Variants in TNRC18 observed in about 807,000 individuals in gnomAD.
TNRC18 encodes the protein trinucleotide repeat-containing gene 18 protein.
TNRC18 carries 69 observed loss-of-function variants against 226.7 expected under a neutral mutation model. The ratio of observed to expected loss-of-function variants is 0.30; its 90% confidence interval spans 0.25 to 0.37. The LOEUF is 0.37. Ranked by LOEUF, TNRC18 falls within the 10% of genes least tolerant of loss-of-function variation. The pLI, the probability that TNRC18 is intolerant of heterozygous loss-of-function variation, is 1.00. For missense variants in TNRC18, 4,754 were observed against 4,256.6 expected, an observed-to-expected ratio of 1.12 and a Z score of -3.25; for synonymous variants, 2,449 against 1,927.6, an observed-to-expected ratio of 1.27 and a Z score of -7.09.
In TNRC18 at chr7:5,377,344, G is replaced by A. The variant is rs530398262; in HGVS notation, c.2461+27C>T. ...CCCTCCCACCCCTCCCTCAGAGAAG[G>A]GGAGAGACCCTGTGCCCCACACTCA... On this transcript the variant is annotated intron_variant, in intron 7 of 29. Coordinates refer to ENST00000430969, the MANE Select transcript of TNRC18 (RefSeq NM_001080495.3). This position sits in a 1 kb window ranked among gnomAD's most constrained non-coding sequence, Gnocchi z 5.8. The A allele has an allele frequency of 4.4e-4, 646 of 1,470,388 alleles. 10 individuals are homozygous for A. The South Asian group carries it at 8.0e-3, about 18-fold the overall frequency. 91.1% of individuals were successfully genotyped at this position (1,470,388 alleles called of 1,614,324 possible). A position where few individuals can be genotyped will look rare whatever the true frequency, so the allele number is the denominator to read the frequency against.
chr7:5,371,274 G>C lies in TNRC18; in HGVS notation c.3320C>G (p.Ala1107Gly), dbSNP rs765190370. The change falls in exon 11 of 30, where the codon GCG (alanine) becomes GGG (glycine). Residue 1107 changes from alanine to glycine, a missense_variant. By Grantham distance (60) the Ala-to-Gly change is moderately conservative. Coordinates refer to ENST00000430969, the MANE Select transcript of TNRC18 (RefSeq NM_001080495.3). The stretch of plus-strand genomic sequence containing the variant: ...CGGCACATCAGGGGCCAAGCCGTCC[G>C]CGTCGGCGGCGGCCGTGGGCTGCAG... ...FLLQPTAAAD[A>G]DGLAPDVPLP... 3.0e-5 allele frequency: 47 copies of C among 1,587,204 alleles called. No homozygotes were observed. Among genetic ancestry groups the C allele is most frequent in the Non-Finnish European group, 3.8e-5 (44 of 1,166,766 alleles).
Position 5,332,878 on chromosome 7 carries a change from G to A in TNRC18, c.5891C>T (p.Ala1964Val). ...DPSSPDKAKL[A>V]VEKGRKARKL... is the part of the protein sequence containing the mutation. ...CCGGGCCTTGCGCCCCTTCTCCACC[G>A]CCAGCTTGGCCTTGTCTGGGCTGCT... is the stretch of plus-strand genomic sequence containing the variant. The change falls in exon 19 of 30, where the codon GCG becomes GTG. Residue 1964 changes from alanine to valine, a missense_variant. Physicochemically the swap from Ala to Val is moderately conservative, Grantham distance 64. Transcript: ENST00000430969. The A allele has an allele frequency of 1.1e-5, 16 of 1,516,884 alleles. No individual in the cohort carries two copies. Among genetic ancestry groups the A allele is most frequent in the South Asian group, 2.5e-5 (2 of 81,580 alleles). 94.0% of individuals were successfully genotyped at this position (1,516,884 alleles called of 1,614,324 possible).
chr7:5,381,038 C>T (rs1324691297), intron 5 of TNRC18, among the ~76,000 whole-genome samples: 4 of 152,156 alleles, frequency 2.6e-5, no homozygotes, highest in East Asian at 1.9e-4. Flanking sequence ...CCGACTGTCC[C>T]GGCTGTCACT....
Position 5,332,881 on chromosome 7 carries a change from A to G in TNRC18, c.5888T>C (p.Leu1963Pro), listed in dbSNP as rs761966597. 6 of 1,520,896 alleles carry G rather than the reference A, an allele frequency of 3.9e-6. No homozygotes were observed. The Admixed American group carries it at 1.1e-4, about 27-fold the overall frequency. 94.2% of individuals were successfully genotyped at this position (1,520,896 alleles called of 1,614,324 possible). The part of the protein sequence containing the change: ...PDPSSPDKAK[L>P]AVEKGRKARK... ...GGCCTTGCGCCCCTTCTCCACCGCCAGCTTGGCCTTGTCTGGGCTGCTGGG... is the reference window on the plus strand; with the variant it reads ...GGCCTTGCGCCCCTTCTCCACCGCCGGCTTGGCCTTGTCTGGGCTGCTGGG... The change falls in exon 19 of 30, where the codon CTG (leucine) becomes CCG (proline). Residue 1963 changes from leucine (L) to proline (P), a missense_variant. Physicochemically the swap from Leu to Pro is moderately conservative, Grantham distance 98. Coordinates refer to ENST00000430969, the MANE Select transcript of TNRC18 (RefSeq NM_001080495.3).
At chr7:5,317,272 C>T (rs1249286016) in intron 24 of TNRC18, among the ~76,000 whole-genome samples, 2 of 151,798 alleles carry the variant, frequency 1.3e-5, no homozygotes, top group East Asian at 1.9e-4. Flanking sequence ...GAGGGGGGAC[C>T]GGGAAGAGAG....
intron 2 of TNRC18, among the ~76,000 whole-genome samples, chr7:5,400,509 T>C (rs1177135872): frequency 6.6e-6 from 1 of 150,814 alleles, no homozygotes; most frequent in African/African-American, 2.4e-5. Flanking sequence ...ACTCGGGAGG[T>C]TTTTAGGAAG....
intron 18 of TNRC18, 45 bp downstream of exon 18, chr7:5,345,517 G>GGGGGGGGCGCCCCCCCCCCCC: frequency 2.6e-6 from 1 of 377,744 alleles, no homozygotes; most frequent in Non-Finnish European, 4.8e-6. Flanking sequence ...AATGGCGTCC[G>GGGGGGGGCGCCCCCCCCCCCC]CCCCTCCCAC....
At position 5,341,758 on chromosome 7, in the gene TNRC18, G is replaced by A. The variant is rs907791199; in HGVS notation, c.5719+3804C>T. Among the ~76,000 whole-genome samples the A allele has an allele frequency of 8.4e-4, 59 of 70,302 alleles. No homozygotes were observed. In the East Asian group the frequency reaches 0.015, roughly 18 times the overall value. The allele number at this position is 70,302 out of a possible 152,430, so 46.1% of individuals were successfully genotyped here. ...CAGCCTGGCAAAAGAGCGAGACTCC[G>A]TCTCAAAAAAAAAAAAAAAAAAAAA... On this transcript the variant is annotated intron_variant, in intron 18 of 29. Transcript: ENST00000430969.
intron 14 of TNRC18, among the ~76,000 whole-genome samples, chr7:5,360,292 C>T (rs1029483657): frequency 4.0e-5 from 6 of 151,872 alleles, no homozygotes; most frequent in Non-Finnish European, 5.9e-5. Flanking sequence ...TGCAATGGCT[C>T]GATTTCAGCT....
Position 5,377,911 on chromosome 7 carries a change from G to A in TNRC18, c.2255+11C>T, listed in dbSNP as rs776565677. Reference sequence around the variant, plus strand: ...ACCCCCTAGACCCTCAGGATCCCCCGACACCCTCACCTGAGCAGCTTCTCC... The same window carrying A: ...ACCCCCTAGACCCTCAGGATCCCCCAACACCCTCACCTGAGCAGCTTCTCC... On this transcript the variant is annotated intron_variant, in intron 6 of 29. Coordinates refer to ENST00000430969, the MANE Select transcript of TNRC18 (RefSeq NM_001080495.3). The surrounding 1 kb of genome is among the most constrained non-coding windows in gnomAD (Gnocchi z 5.8). 9.3e-6 allele frequency: 15 copies of A among 1,612,206 alleles called. No homozygotes were observed. The highest frequency in any genetic ancestry group is 1.6e-4 in the Middle Eastern group (1 of 6,080).
intron 2 of TNRC18, among the ~76,000 whole-genome samples, chr7:5,412,342 G>A (rs755369761): frequency 7.2e-5 from 11 of 151,804 alleles, no homozygotes; most frequent in South Asian, 2.1e-4. Flanking sequence ...TTGGGAGGCC[G>A]AGGTGGGTGG....
intron 16 of TNRC18, among the ~76,000 whole-genome samples, chr7:5,355,463 A>T (rs1050234952): frequency 5.3e-5 from 8 of 152,234 alleles, no homozygotes; most frequent in African/African-American, 1.9e-4. Flanking sequence ...CTCAGCCTCT[A>T]TAAAAATAAA....
At chr7:5,369,075 C>T (rs552860603) in intron 11 of TNRC18, among the ~76,000 whole-genome samples, 16 of 152,236 alleles carry the variant, frequency 1.1e-4, no homozygotes, top group Admixed American at 5.2e-4. Context: ...AGGCTGGGAG[C>T]GGTGGCTCAC....
At chr7:5,359,624 T>C (rs1792823119) in intron 14 of TNRC18, 55 bp from the exon 15 acceptor site, 1 of 1,605,966 alleles carries the variant, frequency 6.2e-7, no homozygotes, top group Non-Finnish European at 8.5e-7. Flanking sequence ...GCTCGCAGGC[T>C]GAGGTCCACC....
chr7:5,385,562 T>C (rs367990461), intron 5 of TNRC18, among the ~76,000 whole-genome samples: 2 of 150,972 alleles, frequency 1.3e-5, no homozygotes, highest in African/African-American at 4.9e-5. Context: ...CGGGTGCCTG[T>C]GACCCCAGCT....
chr7:5,396,672 C>G (rs1265281584), intron 2 of TNRC18, among the ~76,000 whole-genome samples: 1 of 152,218 alleles, frequency 6.6e-6, no homozygotes, highest in African/African-American at 2.4e-5. Flanking sequence ...GGTGCTACCA[C>G]TGGCCAGCCC....
At chr7:5,345,475 G>C (rs1791082180) in intron 18 of TNRC18, 87 bp downstream of exon 18, 1 of 1,302,750 alleles carries the variant, frequency 7.7e-7, no homozygotes, top group East Asian at 2.5e-5. Context: ...CTGCATCTCT[G>C]AGCCTCAGTT....
In TNRC18 at chr7:5,389,041, G is replaced by A. The variant is rs766105173; in HGVS notation, c.783C>T (p.Arg261=). Residue 261 remains arginine, a synonymous_variant, in exon 5 of 30, where the codon CGC becomes CGT. Transcript: ENST00000430969. ...TGGACTCAGCCAGGAAGGGCGACAG[G>A]CGCTCAGCCAGGCGCGGGGGCCCCC... ...QDRGPPRLAE[R]LSPFLAESKT... is the part of the protein sequence containing the mutation. The A allele has an allele frequency of 1.8e-5, 23 of 1,300,518 alleles. No individual in the cohort carries two copies. The South Asian group carries it at 3.8e-4, about 22-fold the overall frequency. 80.6% of individuals were successfully genotyped at this position (1,300,518 alleles called of 1,614,324 possible).
intron 2 of TNRC18, among the ~76,000 whole-genome samples, chr7:5,400,332 G>A (rs1257664804): frequency 6.6e-6 from 1 of 152,128 alleles, no homozygotes; most frequent in Non-Finnish European, 1.5e-5. Flanking sequence ...ATTCAGAGCT[G>A]GGAGTGGTGG....
Sources: gnomAD v4.1 joint callset for allele counts (sites outside exome capture counted in the v4.1 genomes callset) on GRCh38, gnomAD v4.1.1 for gene constraint, Gnocchi (gnomAD v3.1) non-coding constraint, MANE v1.5 for transcripts, NCBI Gene and HGNC (gene_info 2026-07-23, HGNC 2026-07-21) for gene names.